Variants in PCDH9 observed in about 807,000 individuals in gnomAD.
The protein encoded by PCDH9 is protocadherin-9.
Under a neutral mutation model 70.6 loss-of-function variants are expected in PCDH9, and 24 were observed. The ratio of observed to expected loss-of-function variants is 0.34; its 90% CI spans 0.25 to 0.48. The LOEUF is 0.48. Among genes scored for constraint, PCDH9 ranks in the 20% least tolerant of loss-of-function variants. The pLI is 0.99. For synonymous variants in PCDH9, 562 were observed against 558.5 expected, an observed-to-expected ratio of 1.01 and a Z score of -0.09; for missense variants, 1,281 against 1,503.6, an observed-to-expected ratio of 0.85 and a Z score of 2.45.
chr13:66,305,137 G>C (rs1345324901), intron 4 of PCDH9, 109 bp from the exon 5 acceptor site: 17 of 989,974 alleles, frequency 1.7e-5, no homozygotes, highest in Admixed American at 5.9e-5. Flanking sequence ...TTTCATAAAA[G>C]TGTATCAAGT....
At chr13:66,715,210 T>C (rs1593940665) in intron 3 of PCDH9, among the ~76,000 whole-genome samples, 1 of 152,192 alleles carries the variant, frequency 6.6e-6, no homozygotes, top group African/African-American at 2.4e-5. Flanking sequence ...CTTTGTAATA[T>C]TTATACGGCC....
chr13:66,594,027 T>G (rs558964149), intron 4 of PCDH9, among the ~76,000 whole-genome samples: 59 of 151,822 alleles, frequency 3.9e-4, no homozygotes, highest in African/African-American at 1.4e-3. Flanking sequence ...ACAGTTACTG[T>G]TTTTTAATAC....
At chr13:66,836,542 G>C (rs1435563162) in intron 3 of PCDH9, among the ~76,000 whole-genome samples, 1 of 152,082 alleles carries the variant, frequency 6.6e-6, no homozygotes. Context: ...AGGAGCAGAA[G>C]TTAAATCTAT....
rs75540848 is a variant in PCDH9, at chr13:66,926,316, C to G, written c.3037-22711G>C. ...ATCTTGTAGTAATTGCTTAAAGCTG[C>G]AATGCCCTGTGTGGACAGCACCTTA... On this transcript the variant is annotated intron_variant, in intron 2 of 4. Transcript: ENST00000377865. Among the ~76,000 whole-genome samples the G allele has an allele frequency of 9.8e-3, 1,496 of 152,062 alleles. 21 individuals are homozygous for G. Among genetic ancestry groups the G allele is most frequent in the African/African-American group, 0.033 (1,372 of 41,502 alleles).
At chr13:67,120,773 A>G (rs2086860979) in intron 2 of PCDH9, among the ~76,000 whole-genome samples, 1 of 152,154 alleles carries the variant, frequency 6.6e-6, no homozygotes, top group African/African-American at 2.4e-5. Context: ...TTGATAATTT[A>G]TTTGATACAC....
chr13:67,115,480 T>C (rs936128879), intron 2 of PCDH9, among the ~76,000 whole-genome samples: 3 of 152,200 alleles, frequency 2.0e-5, no homozygotes, highest in African/African-American at 2.4e-5. Flanking sequence ...AATGCAATCC[T>C]TCTTTTGCTG....
At chr13:66,656,055 T>C (rs910444210) in intron 3 of PCDH9, among the ~76,000 whole-genome samples, 1 of 151,482 alleles carries the variant, frequency 6.6e-6, no homozygotes, top group Non-Finnish European at 1.5e-5. Context: ...ACTAACACTA[T>C]CTGAAGAAGA....
chr13:67,106,120 G>A (rs1387583145), intron 2 of PCDH9, among the ~76,000 whole-genome samples: 3 of 152,070 alleles, frequency 2.0e-5, no homozygotes, highest in African/African-American at 7.2e-5. Context: ...GGGACATTAA[G>A]TATATAAAGT....
intron 4 of PCDH9, among the ~76,000 whole-genome samples, chr13:66,398,211 T>C (rs1257274951): frequency 6.6e-6 from 1 of 152,108 alleles, no homozygotes; most frequent in Non-Finnish European, 1.5e-5. Flanking sequence ...AGAAAGTATC[T>C]TTATAAAATG....
intron 4 of PCDH9, among the ~76,000 whole-genome samples, chr13:66,385,749 C>A (rs568193146): frequency 6.6e-6 from 1 of 152,196 alleles, no homozygotes; most frequent in East Asian, 1.9e-4. Context: ...AATCAACTGT[C>A]ATTGTAATAA....
chr13:66,391,132 CT>C (rs1393516391), intron 4 of PCDH9, among the ~76,000 whole-genome samples: 1 of 152,098 alleles, frequency 6.6e-6, no homozygotes, highest in Non-Finnish European at 1.5e-5. Flanking sequence ...CTGATTAATT[CT>C]TTTTAGTCTA....
At chr13:66,783,240 G>A (rs2080027959) in intron 3 of PCDH9, among the ~76,000 whole-genome samples, 1 of 151,832 alleles carries the variant, frequency 6.6e-6, no homozygotes, top group African/African-American at 2.4e-5. Flanking sequence ...TTTTGCTTTT[G>A]TTCCCAGTGT....
chr13:66,915,945 A>G (rs542020171), intron 2 of PCDH9, among the ~76,000 whole-genome samples: 11 of 151,598 alleles, frequency 7.3e-5, no homozygotes, highest in Non-Finnish European at 1.6e-4. Flanking sequence ...AAGAATTTGT[A>G]GCAATTCCTT....
intron 3 of PCDH9, among the ~76,000 whole-genome samples, chr13:66,670,479 A>G (rs2078158987): frequency 6.6e-6 from 1 of 152,206 alleles, no homozygotes; most frequent in Non-Finnish European, 1.5e-5. Flanking sequence ...ATAAATTTTG[A>G]TCCTAAAATT....
chr13:67,050,937 C>T (rs2085308817), intron 2 of PCDH9, among the ~76,000 whole-genome samples: 1 of 152,094 alleles, frequency 6.6e-6, no homozygotes, highest in African/African-American at 2.4e-5. Context: ...CATATACAAA[C>T]ATGTCAAGAG....
chr13:67,159,116 C>A (rs947241457), intron 2 of PCDH9, among the ~76,000 whole-genome samples: 1 of 152,068 alleles, frequency 6.6e-6, no homozygotes, highest in African/African-American at 2.4e-5. Flanking sequence ...CAAAATTAGA[C>A]GATTTCTTTG....
intron 2 of PCDH9, among the ~76,000 whole-genome samples, chr13:67,006,027 C>T (rs2084344854): frequency 6.6e-6 from 1 of 152,176 alleles, no homozygotes; most frequent in Non-Finnish European, 1.5e-5. Flanking sequence ...GAGACTGAGA[C>T]CATCCTGGCT....
intron 3 of PCDH9, among the ~76,000 whole-genome samples, chr13:66,848,797 G>A (rs1000189936): frequency 1.3e-5 from 2 of 151,800 alleles, no homozygotes; most frequent in Non-Finnish European, 2.9e-5. Context: ...GCAGGGTGGC[G>A]GGCAACTGTA....
At position 67,226,460 on chromosome 13, in the gene PCDH9, C is replaced by T. The variant is rs2089873165; in HGVS notation, c.1981G>A (p.Val661Ile). 3 of 1,614,100 alleles carry T rather than the reference C, an allele frequency of 1.9e-6. No homozygotes were observed. The highest frequency in any genetic ancestry group is 2.5e-6 in the Non-Finnish European group (3 of 1,179,944). Residue 661 changes from valine to isoleucine, a missense_variant, in exon 2 of 5, where the codon GTA becomes ATA. Transcript: ENST00000377865. This position sits in a 1 kb window ranked among gnomAD's most constrained non-coding sequence, Gnocchi z 5.0. Reference protein sequence around the residue: ...GQPPRSSTAKVTINVMDVNDN... With the variant: ...GQPPRSSTAKITINVMDVNDN... The stretch of plus-strand genomic sequence containing the variant: ...TTGACATCCATGACGTTGATAGTTA[C>T]TTTTGCAGTAGAGGAACGAGGTGGT...
Sources: allele counts gnomAD v4.1 joint callset (sites outside exome capture counted in the v4.1 genomes callset), GRCh38; gene constraint gnomAD v4.1.1; non-coding constraint Gnocchi (gnomAD v3.1); transcripts MANE v1.5; gene names NCBI Gene and HGNC (gene_info 2026-07-23, HGNC 2026-07-21).